PA2G4: variants seen among roughly 807,000 people sequenced by gnomAD.
PA2G4 encodes proliferation-associated protein 2G4.
A neutral mutation model predicts 53.3 loss-of-function variants in PA2G4; 8 were observed. That is an observed-to-expected ratio of 0.15 (90% confidence interval 0.09 to 0.27). The LOEUF is 0.27. PA2G4 is among the 10% of genes least tolerant of loss of function. The pLI is 1.00. For missense variants in PA2G4, 208 were observed against 486.8 expected (o/e 0.43, Z 5.39); for synonymous variants, 143 against 169.8 (o/e 0.84, Z 1.23).
chr12:56,110,129 C>T (rs1405501290), intron 7 of PA2G4, among the ~76,000 whole-genome samples, 194 bp downstream of exon 7: 1 of 152,028 alleles, frequency 6.6e-6, no homozygotes, highest in Non-Finnish European at 1.5e-5. Context: ...GAGGCTGAGG[C>T]GGGTGGATCA....
intron 7 of PA2G4, 33 bp downstream of exon 7, chr12:56,109,968 A>C (rs776879002): frequency 6.9e-7 from 1 of 1,448,022 alleles, no homozygotes; most frequent in Non-Finnish European, 9.7e-7. Context: ...ACCTTCTACC[A>C]CACAAGACTA....
chr12:56,106,828 A>G, intron 2 of PA2G4, 112 bp downstream of exon 2: 1 of 1,374,874 alleles, frequency 7.3e-7, no homozygotes, highest in Non-Finnish European at 1.0e-6. Flanking sequence ...TGGCTGAGGT[A>G]TTTGGAAATT....
intron 10 of PA2G4, 32 bp from the exon 11 acceptor site, chr12:56,111,150 T>C (rs1592236435): frequency 6.2e-7 from 1 of 1,614,186 alleles, no homozygotes; most frequent in East Asian, 2.2e-5. Context: ...AAAGGAACTT[T>C]TTATCAAAAC....
intron 12 of PA2G4, among the ~76,000 whole-genome samples, chr12:56,111,883 C>T (rs1489624074): frequency 1.3e-5 from 2 of 151,140 alleles, no homozygotes; most frequent in African/African-American, 4.8e-5. Flanking sequence ...GAGGCTAAGG[C>T]GGATGGATCA....
At chr12:56,106,838 T>C in intron 2 of PA2G4, 122 bp downstream of exon 2, 1 of 1,370,016 alleles carries the variant, frequency 7.3e-7, no homozygotes, top group Non-Finnish European at 1.0e-6. Flanking sequence ...ATTTGGAAAT[T>C]TGGAATGGCA....
At position 56,112,851 on chromosome 12, in the gene PA2G4, G is replaced by A; in HGVS notation, c.1148G>A (p.Ser383Asn). 1 of 1,581,574 alleles carries A rather than the reference G, an allele frequency of 6.3e-7. No individual in the cohort carries two copies. Among genetic ancestry groups the A allele is most frequent in the Non-Finnish European group, 8.6e-7 (1 of 1,168,390 alleles). Residue 383 changes from serine (S) to asparagine (N), a missense_variant, in exon 13 of 13, where the codon AGT becomes AAT. Transcript: ENST00000303305. ...TCCAAGACTGCAGAGAATGCCACCA[G>A]TGGGGAAACATTAGAAGAAAATGAA... ...KASKTAENAT[S>N]GETLEENEAG...
intron 6 of PA2G4, 46 bp downstream of exon 6, chr12:56,109,339 G>T: frequency 6.8e-7 from 1 of 1,463,208 alleles, no homozygotes; most frequent in African/African-American, 1.4e-5. Flanking sequence ...GAGTGGCTTT[G>T]CCAGGTGCGG....
Position 56,113,053 on chromosome 12 carries a change from A to G in PA2G4, c.*165A>G, listed in dbSNP as rs1012938374. ...AACCCACTCCCTTCCAACAACAACC[A>G]GCTCCAACTGACTCTGGTCTTGGGA... On this transcript the variant is annotated 3_prime_UTR_variant, in exon 13 of 13. Transcript: ENST00000303305. The G allele has an allele frequency of 2.0e-6, 1 of 489,432 alleles. No individual in the cohort carries two copies. The highest frequency in any genetic ancestry group is 3.6e-6 in the Non-Finnish European group (1 of 281,284). The allele number at this position is 489,432 out of a possible 1,614,324, so 30.3% of individuals were successfully genotyped here.
At chr12:56,109,343 G>C (rs11171744) in intron 6 of PA2G4, 50 bp downstream of exon 6, 170,102 of 1,413,736 alleles carry the variant, frequency 0.12, 11,319 homozygotes, top group Middle Eastern at 0.17. Context: ...GGCTTTGCCA[G>C]GTGCGGTGGC....
chr12:56,109,135 A>C (rs1402792062), intron 5 of PA2G4, 95 bp from the exon 6 acceptor site: 10 of 751,956 alleles, frequency 1.3e-5, no homozygotes, highest in Admixed American at 7.8e-5. Context: ...AAAAAAAAAA[A>C]AAAAAACGCT....
At position 56,104,571 on chromosome 12, in the gene PA2G4, C is replaced by G. The variant is rs752301425; in HGVS notation, c.-167C>G. The G allele has an allele frequency of 7.9e-6, 6 of 762,568 alleles. No homozygotes were observed. In the East Asian group the frequency reaches 1.3e-4, roughly 16 times the overall value. The allele number at this position is 762,568 out of a possible 1,614,324, so 47.2% of individuals were successfully genotyped here. A position where few individuals can be genotyped will look rare whatever the true frequency, so the allele number is the denominator to read the frequency against. On this transcript the variant is annotated 5_prime_UTR_variant, in exon 1 of 13. Transcript: ENST00000303305. ...TGCCCTGCGCCTCAGCCCGCGCGCTCGCAGCTTCTCGCTCTCGCCTGCCTG... is the reference window on the plus strand; with the variant it reads ...TGCCCTGCGCCTCAGCCCGCGCGCTGGCAGCTTCTCGCTCTCGCCTGCCTG...
intron 5 of PA2G4, 49 bp downstream of exon 5, chr12:56,107,662 T>C (rs1474132392): frequency 1.6e-6 from 2 of 1,217,332 alleles, no homozygotes; most frequent in African/African-American, 3.0e-5. Flanking sequence ...AAAGATGCAT[T>C]AGGCACCTAT....
rs1224969706 is a variant in PA2G4 at position 56,112,819 on chromosome 12, A to G, written c.1120-4A>G. The G allele has an allele frequency of 4.4e-6, 7 of 1,581,092 alleles. No homozygotes were observed. The Admixed American group carries it at 5.5e-5, about 12-fold the overall frequency. ...TCTTCTCCCTCTCCTTTTCTTGCAT[A>G]TAGGCCTCCAAGACTGCAGAGAATG... On this transcript the variant is annotated splice_polypyrimidine_tract_variant and splice_region_variant and intron_variant, in intron 12 of 12. Transcript: ENST00000303305.
At position 56,113,494 on chromosome 12, in the gene PA2G4, T is replaced by G. The variant is rs1173935897; in HGVS notation, c.*606T>G. 4.0e-6 allele frequency: 1 copy of G among 250,094 alleles called. No homozygotes were observed. Among genetic ancestry groups the G allele is most frequent in the East Asian group, 8.2e-5 (1 of 12,192 alleles). 15.5% of individuals were successfully genotyped at this position (250,094 alleles called of 1,614,324 possible). A position where few individuals can be genotyped will look rare whatever the true frequency, so the allele number is the denominator to read the frequency against. ...TCATTTATGAAGAGATTCTCATCTATGAAATGGATCCTCATTTGTAAATCT... is the reference window on the plus strand; with the variant it reads ...TCATTTATGAAGAGATTCTCATCTAGGAAATGGATCCTCATTTGTAAATCT... On this transcript the variant is annotated 3_prime_UTR_variant, in exon 13 of 13. Coordinates refer to ENST00000303305, the MANE Select transcript of PA2G4 (RefSeq NM_006191.3).
At chr12:56,112,429 G>GTA (rs1869448619) in intron 12 of PA2G4, among the ~76,000 whole-genome samples, 1 of 152,106 alleles carries the variant, frequency 6.6e-6, no homozygotes, top group African/African-American at 2.4e-5. Flanking sequence ...TCAGAGACCT[G>GTA]TATGTCTTTA....
intron 1 of PA2G4, 144 bp downstream of exon 1, chr12:56,104,969 G>T: frequency 4.9e-6 from 4 of 817,960 alleles, no homozygotes; most frequent in Non-Finnish European, 8.4e-6. Flanking sequence ...GTGGTGGGAA[G>T]ACCCGGTGTC....
At chr12:56,105,049 C>G (rs2136838109) in intron 1 of PA2G4, 1 of 699,242 alleles carries the variant, frequency 1.4e-6, no homozygotes, top group African/African-American at 1.7e-5. Context: ...CCAGGATGAG[C>G]GCAGAGAGGG....
intron 11 of PA2G4, 26 bp downstream of exon 11, chr12:56,111,335 G>A (rs761451560): frequency 6.2e-5 from 100 of 1,613,850 alleles, no homozygotes; most frequent in Admixed American, 2.5e-4. Flanking sequence ...AAGGTGGTGA[G>A]TATGTACATG....
At chr12:56,107,385 T>G in intron 4 of PA2G4, 129 bp downstream of exon 4, 1 of 1,034,976 alleles carries the variant, frequency 9.7e-7, no homozygotes, top group Non-Finnish European at 1.5e-6. Flanking sequence ...AGGAGAAAGG[T>G]TTTTGTTGTT....
Sources: allele counts gnomAD v4.1 joint callset (sites outside exome capture counted in the v4.1 genomes callset), GRCh38; gene constraint gnomAD v4.1.1; transcripts MANE v1.5; gene names NCBI Gene and HGNC (gene_info 2026-07-23, HGNC 2026-07-21).